The following CORIN variants were observed in gnomAD, a reference collection of about 807,000 sequenced individuals.
CORIN encodes atrial natriuretic peptide-converting enzyme.
A neutral mutation model predicts 125.3 loss-of-function variants in CORIN; 117 were observed. The ratio of observed to expected loss-of-function variants is 0.93; its 90% confidence interval spans 0.80 to 1.09. CORIN has a LOEUF of 1.09. Among genes scored for constraint, CORIN ranks in the 50% least tolerant of loss-of-function variants. The pLI is 0.00. For missense variants in CORIN, 1,253 were observed against 1,306.7 expected, an observed-to-expected ratio of 0.96 and a Z score of 0.63; for synonymous variants, 450 against 466.4, an observed-to-expected ratio of 0.96 and a Z score of 0.45.
intron 3 of CORIN, among the ~76,000 whole-genome samples, chr4:47,783,834 C>T (rs1001610051): frequency 4.3e-4 from 65 of 152,098 alleles, no homozygotes; most frequent in African/African-American, 1.6e-3. Flanking sequence ...TTTATTCATT[C>T]AGCTAATATT....
At chr4:47,787,957 C>T (rs1730895200) in intron 2 of CORIN, among the ~76,000 whole-genome samples, 1 of 152,200 alleles carries the variant, frequency 6.6e-6, no homozygotes, top group Admixed American at 6.5e-5. Flanking sequence ...CATTCATTGA[C>T]AAAACAAAGA....
chr4:47,615,486 T>G (rs957920640), intron 19 of CORIN, among the ~76,000 whole-genome samples: 5 of 152,200 alleles, frequency 3.3e-5, no homozygotes, highest in Non-Finnish European at 7.3e-5. Context: ...ATAACTTTAT[T>G]AGGAAATAGG....
At chr4:47,792,772 A>G (rs1175193120) in intron 2 of CORIN, among the ~76,000 whole-genome samples, 7 of 152,212 alleles carry the variant, frequency 4.6e-5, no homozygotes, top group African/African-American at 1.7e-4. Context: ...TGCTGATGTA[A>G]GAGCCTTCAG....
chr4:47,755,204 T>C lies in CORIN; in HGVS notation c.617+8175A>G, dbSNP rs190112342. ...ATTCTATATTTACACAAGTTTATTATCCATAAAATTCTTCCTTTAGCTAAG... is the reference window on the plus strand; with the variant it reads ...ATTCTATATTTACACAAGTTTATTACCCATAAAATTCTTCCTTTAGCTAAG... On this transcript the variant is annotated intron_variant, in intron 4 of 21. Coordinates refer to ENST00000273857, the MANE Select transcript of CORIN (RefSeq NM_006587.4). Among the ~76,000 whole-genome samples, 27 of 152,320 alleles carry C rather than the reference T, an allele frequency of 1.8e-4. No homozygotes were observed. In the East Asian group the frequency reaches 4.8e-3, roughly 27 times the overall value.
chr4:47,698,664 C>T (rs1475758378), intron 5 of CORIN, among the ~76,000 whole-genome samples: 1 of 151,922 alleles, frequency 6.6e-6, no homozygotes, highest in African/African-American at 2.4e-5. Context: ...TCTAGGGGGA[C>T]AAGGGAAGAA....
Position 47,645,646 on chromosome 4 carries a change from T to C in CORIN, c.1844-452A>G, listed in dbSNP as rs189256656. On this transcript the variant is annotated intron_variant, in intron 13 of 21. Transcript: ENST00000273857. ...GACTCACGCCTGTAATCCCAGCACT[T>C]TGGGAGGCTGAGGTGGGCAGATCAC... Among the ~76,000 whole-genome samples, 16 of 152,084 alleles carry C rather than the reference T, an allele frequency of 1.1e-4. No homozygotes were observed. In the East Asian group the frequency reaches 3.1e-3, roughly 29 times the overall value.
intron 4 of CORIN, among the ~76,000 whole-genome samples, chr4:47,756,166 G>A (rs1729137561): frequency 6.6e-6 from 1 of 152,192 alleles, no homozygotes; most frequent in South Asian, 2.1e-4. Context: ...TGAGAAGAGG[G>A]CTTAGTGTGA....
At chr4:47,702,335 G>A (rs1203574479) in intron 5 of CORIN, among the ~76,000 whole-genome samples, 1 of 152,050 alleles carries the variant, frequency 6.6e-6, no homozygotes, top group African/African-American at 2.4e-5. Context: ...AAATAAAGGA[G>A]ATAAATTTTA....
intron 9 of CORIN, among the ~76,000 whole-genome samples, chr4:47,675,601 C>G (rs889967962): frequency 6.6e-6 from 1 of 152,110 alleles, no homozygotes; most frequent in Non-Finnish European, 1.5e-5. Flanking sequence ...ATGTGACAAG[C>G]TAGGCACTGA....
At chr4:47,724,758 T>G (rs2882843) in intron 5 of CORIN, among the ~76,000 whole-genome samples, 14,948 of 152,210 alleles carry the variant, frequency 0.098, 868 homozygotes, top group East Asian at 0.27. Flanking sequence ...AAATTCAACA[T>G]CTTTCATAAT....
chr4:47,726,222 T>C (rs1408488760), intron 5 of CORIN, among the ~76,000 whole-genome samples: 2 of 152,098 alleles, frequency 1.3e-5, no homozygotes, highest in African/African-American at 2.4e-5. Flanking sequence ...TAGGTATTCA[T>C]CTTAGAGAAA....
chr4:47,820,493 G>A (rs1236662152), intron 1 of CORIN, among the ~76,000 whole-genome samples: 1 of 152,098 alleles, frequency 6.6e-6, no homozygotes, highest in Non-Finnish European at 1.5e-5. Context: ...CCCTGTAAAA[G>A]TGAAAACAAT....
chr4:47,767,527 AATC>A (rs1460461712), intron 3 of CORIN, among the ~76,000 whole-genome samples: 4 of 152,198 alleles, frequency 2.6e-5, no homozygotes, highest in Admixed American at 2.0e-4. Flanking sequence ...ACTTTAAAAA[AATC>A]ATCAATAACT....
Position 47,666,416 on chromosome 4 carries a change from A to G in CORIN, c.1358-1153T>C, listed in dbSNP as rs2109676272. The stretch of plus-strand genomic sequence containing the variant: ...TCCTAGGCAATGTAAATGTAAGAGT[A>G]ATGAGAAATATTGTCTCTGCCACTG... On this transcript the variant is annotated intron_variant, in intron 10 of 21. Transcript: ENST00000273857. 2.0e-5 allele frequency among the ~76,000 whole-genome samples: 3 copies of G among 152,338 alleles called. No individual in the cohort carries two copies. In the South Asian group the frequency reaches 6.2e-4, roughly 32 times the overall value.
rs551108630 is a variant in CORIN, at chr4:47,679,865, T to A, written c.1132+276A>T. On this transcript the variant is annotated intron_variant, in intron 8 of 21. Transcript: ENST00000273857. ...AAGTCACAGAAGCATAAAAGAGACA[T>A]ATGGAGCAACGAGAGAGAAAACAGA... The A allele has an allele frequency of 9.0e-4, 262 of 291,802 alleles. 2 individuals carry two copies. The highest frequency in any genetic ancestry group is 5.2e-3 in the African/African-American group (237 of 45,312). 18.1% of individuals were successfully genotyped at this position (291,802 alleles called of 1,614,324 possible). A position where few individuals can be genotyped will look rare whatever the true frequency, so the allele number is the denominator to read the frequency against.
chr4:47,750,917 G>C (rs370053816), intron 4 of CORIN, among the ~76,000 whole-genome samples: 5 of 152,328 alleles, frequency 3.3e-5, no homozygotes, highest in African/African-American at 1.2e-4. Context: ...CTTGCACCTA[G>C]TGAAAGTTCA....
chr4:47,698,111 C>T (rs990592658), intron 5 of CORIN, among the ~76,000 whole-genome samples: 8 of 151,590 alleles, frequency 5.3e-5, no homozygotes, highest in African/African-American at 1.9e-4. Flanking sequence ...GAATAGCTCC[C>T]TTGCCTTGGG....
At chr4:47,759,481 C>T (rs1184081087) in intron 4 of CORIN, among the ~76,000 whole-genome samples, 2 of 152,020 alleles carry the variant, frequency 1.3e-5, no homozygotes, top group Non-Finnish European at 2.9e-5. Context: ...GGGTTAATAT[C>T]CAAAATACAT....
At chr4:47,749,309 T>C (rs1347038798) in intron 4 of CORIN, among the ~76,000 whole-genome samples, 1 of 152,186 alleles carries the variant, frequency 6.6e-6, no homozygotes, top group Non-Finnish European at 1.5e-5. Flanking sequence ...TTGTGACTTC[T>C]GCATTGCTAA....
Sources: allele counts gnomAD v4.1 joint callset (sites outside exome capture counted in the v4.1 genomes callset), GRCh38; gene constraint gnomAD v4.1.1; transcripts MANE v1.5; gene names NCBI Gene and HGNC (gene_info 2026-07-23, HGNC 2026-07-21).